Variants in MYO1H observed in about 807,000 individuals in gnomAD.
MYO1H encodes the protein myosin IH, also known as unconventional myosin-Ih.
Under a neutral mutation model 149.3 loss-of-function variants are expected in MYO1H, and 118 were observed. That is an observed-to-expected ratio of 0.79 (90% CI 0.68 to 0.92). The LOEUF is 0.92. Ranked by LOEUF, MYO1H falls within the 40% of genes least tolerant of loss-of-function variation. The pLI, the probability that MYO1H is intolerant of heterozygous loss-of-function variation, is 0.00. For synonymous variants in MYO1H, 447 were observed against 465.2 expected, an observed-to-expected ratio of 0.96 and a Z score of 0.50; for missense variants, 1,212 against 1,280.7, an observed-to-expected ratio of 0.95 and a Z score of 0.82.
Position 109,413,328 on chromosome 12 carries a change from G to A in MYO1H, c.1502+1343G>A, listed in dbSNP as rs564332887. 5.3e-5 allele frequency among the ~76,000 whole-genome samples: 8 copies of A among 152,148 alleles called. No homozygotes were observed. The South Asian group carries it at 1.5e-3, about 28-fold the overall frequency. On this transcript the variant is annotated intron_variant, in intron 14 of 31. Coordinates refer to ENST00000310903, the Ensembl canonical transcript of MYO1H. ...GTGTTTTCCCTGCTATACAAGATGG[G>A]GGTTATTAACATACCTACCATCCAA... is the stretch of plus-strand genomic sequence containing the variant.
Position 109,393,563 on chromosome 12 carries a change from C to T in MYO1H, c.290+117C>T, listed in dbSNP as rs927800885. The T allele has an allele frequency of 1.3e-5, 9 of 668,602 alleles. No individual in the cohort carries two copies. The East Asian group carries it at 2.5e-4, about 18-fold the overall frequency. 41.4% of individuals were successfully genotyped at this position (668,602 alleles called of 1,614,324 possible). ...TTCATCCATCCATCCATCCATCCAT[C>T]CATCCATCCATCCGCCCACCCATCC... On this transcript the variant is annotated intron_variant, in intron 3 of 31. Coordinates refer to ENST00000310903, the Ensembl canonical transcript of MYO1H.
intron 5 of MYO1H, among the ~76,000 whole-genome samples, chr12:109,400,211 G>A (rs760925458): frequency 4.6e-5 from 7 of 152,262 alleles, no homozygotes; most frequent in East Asian, 3.9e-4. Flanking sequence ...ATTTAGGACC[G>A]TGACATATAG....
At chr12:109,364,380 G>T (rs1022811593) in intron 1 of MYO1H, among the ~76,000 whole-genome samples, 3 of 152,034 alleles carry the variant, frequency 2.0e-5, no homozygotes, top group Non-Finnish European at 4.4e-5. Flanking sequence ...CAGGACTGGG[G>T]TGTGGTGGCG....
At chr12:109,319,532 C>T in the MYO1H span, among the ~76,000 whole-genome samples, 15 of 152,118 alleles carry the variant, frequency 9.9e-5, no homozygotes, top group Non-Finnish European at 1.8e-4. Flanking sequence ...ATGAACTGTA[C>T]ACTTAGAATG....
At position 109,408,011 on chromosome 12, in the gene MYO1H, G is replaced by T. The variant is rs983119907; in HGVS notation, c.1155+98G>T. On this transcript the variant is annotated intron_variant, in intron 10 of 31. Coordinates refer to ENST00000310903, the Ensembl canonical transcript of MYO1H. ...AATTTGGGAGGGAGAATGAACTGTG[G>T]GCGCCTCATGGGCAGAGATGGTGTC... is the stretch of plus-strand genomic sequence containing the variant. 8.8e-6 allele frequency: 13 copies of T among 1,481,768 alleles called. No homozygotes were observed. The Admixed American group carries it at 2.3e-4, about 26-fold the overall frequency. 91.8% of individuals were successfully genotyped at this position (1,481,768 alleles called of 1,614,324 possible). A position where few individuals can be genotyped will look rare whatever the true frequency, so the allele number is the denominator to read the frequency against.
chr12:109,401,139 C>A lies in MYO1H; in HGVS notation c.617C>A (p.Ser206Tyr), dbSNP rs904594392. Residue 206 changes from serine (S) to tyrosine (Y), a missense_variant, in exon 6 of 32, where the codon TCC (serine) becomes TAC (tyrosine). Transcript: ENST00000310903. ...ATCATCAGTTACTTGATAGAGAAGT[C>A]CCGAGTTGTCTACCAAAACGAAGGC... 4.3e-6 allele frequency: 7 copies of A among 1,613,778 alleles called. No homozygotes were observed. Among genetic ancestry groups the A allele is most frequent in the Middle Eastern group, 1.6e-4 (1 of 6,084 alleles).
the MYO1H span, among the ~76,000 whole-genome samples, chr12:109,326,036 T>C: frequency 1.3e-5 from 2 of 152,104 alleles, no homozygotes; most frequent in Non-Finnish European, 2.9e-5. Flanking sequence ...AGTTCTTCGG[T>C]ATTGGGTAAA....
intron 1 of MYO1H, among the ~76,000 whole-genome samples, chr12:109,354,617 C>CT (rs752597262): frequency 0.26 from 23,731 of 91,834 alleles, 2,466 homozygotes; most frequent in Admixed American, 0.34. Context: ...GAGACTCTGT[C>CT]TAAAAAAAAA....
At chr12:109,414,871 G>A (rs1429666792) in intron 14 of MYO1H, among the ~76,000 whole-genome samples, 1 of 151,842 alleles carries the variant, frequency 6.6e-6, no homozygotes, top group African/African-American at 2.4e-5. Context: ...ACCACTCCCA[G>A]CTAATTCTTT....
intron 1 of MYO1H, among the ~76,000 whole-genome samples, chr12:109,349,451 C>A (rs1458118365): frequency 6.6e-6 from 1 of 150,756 alleles, no homozygotes; most frequent in Non-Finnish European, 1.5e-5. Context: ...TCCCTTGAGA[C>A]TAGGAGCTTG....
upstream of MYO1H, among the ~76,000 whole-genome samples, chr12:109,344,747 A>G (rs2048097407): frequency 1.3e-5 from 2 of 152,216 alleles, no homozygotes; most frequent in African/African-American, 4.8e-5. Flanking sequence ...ACAAAGCTAC[A>G]AAGACTGTGA....
chr12:109,393,412 C>G, exon 3 of MYO1H: 1 of 1,586,840 alleles, frequency 6.3e-7, no homozygotes, highest in Non-Finnish European at 8.6e-7. Context: ...GGAACTTTAT[C>G]AAGGGGTCAA....
At chr12:109,429,775 G>A (rs965864640) in intron 19 of MYO1H, among the ~76,000 whole-genome samples, 4 of 151,664 alleles carry the variant, frequency 2.6e-5, no homozygotes, top group East Asian at 2.0e-4. Flanking sequence ...CTCTCTGAGT[G>A]AGGAAGTGAG....
At chr12:109,416,427 A>C (rs1325836076) in intron 15 of MYO1H, among the ~76,000 whole-genome samples, 13 of 144,466 alleles carry the variant, frequency 9.0e-5, no homozygotes, top group African/African-American at 3.4e-4. Flanking sequence ...GCAATGTGTG[A>C]CCTTTTGTGT....
At chr12:109,384,901 A>G (rs540196028) in intron 1 of MYO1H, among the ~76,000 whole-genome samples, 30 of 152,288 alleles carry the variant, frequency 2.0e-4, no homozygotes, top group African/African-American at 7.2e-4. Flanking sequence ...TTCAGACACC[A>G]ACCCACCTCC....
the MYO1H span, among the ~76,000 whole-genome samples, chr12:109,321,539 C>T: frequency 1.3e-5 from 2 of 151,832 alleles, no homozygotes; most frequent in Non-Finnish European, 2.9e-5. Flanking sequence ...GGCAATAGAG[C>T]GAGATCCCTC....
chr12:109,403,710 A>C (rs1055635493), intron 6 of MYO1H, among the ~76,000 whole-genome samples: 1 of 152,228 alleles, frequency 6.6e-6, no homozygotes, highest in Non-Finnish European at 1.5e-5. Context: ...TAAGAAAACT[A>C]TGTTTAAAAA....
At chr12:109,445,963 T>C (rs1872462881) in intron 31 of MYO1H, 2 of 985,310 alleles carry the variant, frequency 2.0e-6, no homozygotes, top group Non-Finnish European at 2.4e-6. Flanking sequence ...TGGAAATCAA[T>C]GCGCTTGTGT....
intron 1 of MYO1H, among the ~76,000 whole-genome samples, chr12:109,372,348 A>G (rs1235644562): frequency 3.3e-5 from 5 of 152,112 alleles, no homozygotes; most frequent in Non-Finnish European, 7.4e-5. Context: ...AGAACTATCC[A>G]GTGTTTCCAA....
Sources: gnomAD v4.1 joint callset for allele counts (sites outside exome capture counted in the v4.1 genomes callset) on GRCh38, gnomAD v4.1.1 for gene constraint, MANE v1.5 for transcripts, NCBI Gene and HGNC (gene_info 2026-07-23, HGNC 2026-07-21) for gene names.